Variants in NPM3 observed in about 807,000 individuals in gnomAD.
The protein encoded by NPM3 is nucleoplasmin-3.
In NPM3, 12 loss-of-function variants were observed where a neutral mutation model predicts 18.1. The observed-to-expected ratio is 0.66, with a 90% confidence interval of 0.42 to 1.07. The LOEUF is 1.07. Ranked by LOEUF, NPM3 falls within the 50% of genes least tolerant of loss-of-function variation. The pLI is 0.00. For missense variants in NPM3, 274 were observed against 232.1 expected (o/e 1.18, Z -1.17); for synonymous variants, 116 against 93.7 (o/e 1.24, Z -1.38).
exon 5 of NPM3, chr10:101,781,771 T>C: frequency 1.2e-6 from 2 of 1,614,124 alleles, no homozygotes; most frequent in Middle Eastern, 1.7e-4. Context: ...GCAGGAAGGA[T>C]GGGGCACAGC....
At chr10:101,783,030 A>G in intron 1 of NPM3, 106 bp from the exon 2 acceptor site, 1 of 1,007,320 alleles carries the variant, frequency 9.9e-7, no homozygotes, top group Non-Finnish European at 1.5e-6. Context: ...CGGGTCATTT[A>G]CACGTCCACC....
exon 2 of NPM3, chr10:101,782,892 T>TGAA: frequency 6.2e-7 from 1 of 1,614,116 alleles, no homozygotes; most frequent in Non-Finnish European, 8.5e-7. Context: ...ACCTTAAAGG[T>TGAA]GAAGGAGCGG....
exon 2 of NPM3, chr10:101,782,863 C>T (rs1196140756): frequency 2.5e-6 from 4 of 1,614,198 alleles, no homozygotes. Flanking sequence ...GCACGTGCTC[C>T]GCATCATCCT....
intron 1 of NPM3, 56 bp from the exon 2 acceptor site, chr10:101,782,980 G>A (rs1178172363): frequency 1.3e-6 from 2 of 1,528,446 alleles, no homozygotes; most frequent in Admixed American, 1.7e-5. Flanking sequence ...GGGCAGCGGG[G>A]GATGTCACCA....
chr10:101,783,225 A>G, intron 1 of NPM3, 48 bp downstream of exon 1: 1 of 1,361,946 alleles, frequency 7.3e-7, no homozygotes, highest in South Asian at 1.3e-5. Context: ...TCACATCCCT[A>G]CCTCTTACCG....
chr10:101,782,191 C>T (rs3816354), intron 4 of NPM3, 67 bp downstream of exon 4: 262,925 of 1,370,060 alleles, frequency 0.19, 29,053 homozygotes, highest in East Asian at 0.56. Context: ...GGCAGGAGTG[C>T]GGAGTGGGGG....
intron 2 of NPM3, 66 bp downstream of exon 2, chr10:101,782,773 G>T (rs1326720682): frequency 4.4e-6 from 7 of 1,584,526 alleles, no homozygotes; most frequent in Non-Finnish European, 6.0e-6. Context: ...GGATCCGGAG[G>T]TTGGGTAGAG....
At chr10:101,781,932 G>C in intron 4 of NPM3, 78 bp from the exon 5 acceptor site, 1 of 1,612,328 alleles carries the variant, frequency 6.2e-7, no homozygotes, top group Non-Finnish European at 8.5e-7. Flanking sequence ...TCTTCACGCC[G>C]TGGTGTTAGG....
rs770567242 is a variant in NPM3 at position 101,783,369 on chromosome 10, C to T, written c.22G>A (p.Ala8Thr). Residue 8 changes from alanine to threonine, a missense_variant, in exon 1 of 6, where the codon GCC becomes ACC. Transcript: ENST00000370110. Reference sequence around the variant, plus strand: ...CTCTCCTGACTCAAAAACGCTAAGGCAGCTGCAGTACCGGCGGCCATGCTG... The same window carrying T: ...CTCTCCTGACTCAAAAACGCTAAGGTAGCTGCAGTACCGGCGGCCATGCTG... 58 of 1,611,782 alleles carry T rather than the reference C, an allele frequency of 3.6e-5. 1 individual carries two copies. Among genetic ancestry groups the T allele is most frequent in the Middle Eastern group, 1.7e-4 (1 of 6,030 alleles).
chr10:101,783,069 C>T, intron 1 of NPM3, 145 bp from the exon 2 acceptor site: 1 of 829,990 alleles, frequency 1.2e-6, no homozygotes, highest in Non-Finnish European at 1.9e-6. Flanking sequence ...ACACCTGGGA[C>T]GCTCTGCCGT....
chr10:101,783,443 C>G, upstream of NPM3: 1 of 1,377,062 alleles, frequency 7.3e-7, no homozygotes, highest in Non-Finnish European at 9.9e-7. Flanking sequence ...AGCCGGGGAC[C>G]CTCGGCCAGT....
At chr10:101,782,597 G>A (rs1427355984) in exon 3 of NPM3, 1 of 1,613,812 alleles carries the variant, frequency 6.2e-7, no homozygotes. Context: ...GTGAGGCAGA[G>A]CTGGGAACGG....
chr10:101,782,955 C>A, intron 1 of NPM3, 31 bp from the exon 2 acceptor site: 1 of 1,604,660 alleles, frequency 6.2e-7, no homozygotes, highest in Non-Finnish European at 8.5e-7. Context: ...TATGCCTGAG[C>A]GTGTGTACGG....
exon 5 of NPM3, chr10:101,781,812 T>C (rs1471973538): frequency 6.2e-7 from 1 of 1,614,156 alleles, no homozygotes; most frequent in East Asian, 2.2e-5. Flanking sequence ...GTCCTCTTCC[T>C]CTTCCTCGCT....
At chr10:101,783,398 G>A (rs746485870) in exon 1 of NPM3, 4 of 1,584,236 alleles carry the variant, frequency 2.5e-6, no homozygotes, top group Admixed American at 1.8e-5. Flanking sequence ...CATGCTGTAA[G>A]AGCCTTCTTC....
At position 101,782,197 on chromosome 10, in the gene NPM3, G is replaced by C. The variant is rs1035587510; in HGVS notation, c.418+61C>G. On this transcript the variant is annotated intron_variant, in intron 4 of 5. Coordinates refer to ENST00000370110, the Ensembl canonical transcript of NPM3. ...GTGGGATGGGGCAGGAGTGCGGAGTGGGGGAAGCCTGATGGGAGAGTCCAC... is the reference window on the plus strand; with the variant it reads ...GTGGGATGGGGCAGGAGTGCGGAGTCGGGGAAGCCTGATGGGAGAGTCCAC... 2.1e-6 allele frequency: 3 copies of C among 1,435,186 alleles called. No homozygotes were observed. In the African/African-American group the frequency reaches 4.2e-5, roughly 20 times the overall value. The allele number at this position is 1,435,186 out of a possible 1,614,324, so 88.9% of individuals were successfully genotyped here. A position where few individuals can be genotyped will look rare whatever the true frequency, so the allele number is the denominator to read the frequency against.
chr10:101,783,415 C>T (rs2065159742), upstream of NPM3: 2 of 1,520,220 alleles, frequency 1.3e-6, no homozygotes, highest in East Asian at 2.4e-5. Context: ...CTTCAAACTC[C>T]GCCCCCGACA....
chr10:101,781,553 C>T, exon 6 of NPM3: 1 of 357,976 alleles, frequency 2.8e-6, no homozygotes, highest in Non-Finnish European at 5.3e-6. Flanking sequence ...AAGCTCTCCT[C>T]TTCAAGGAAG....
At chr10:101,781,762 C>T (rs1330710998) in exon 5 of NPM3, 6 of 1,614,030 alleles carry the variant, frequency 3.7e-6, no homozygotes, top group South Asian at 1.1e-5. Flanking sequence ...TGCTTTTTGG[C>T]AGGAAGGATG....
Sources: allele counts gnomAD v4.1 joint callset, GRCh38; gene constraint gnomAD v4.1.1; transcripts MANE v1.5; gene names NCBI Gene and HGNC (gene_info 2026-07-23, HGNC 2026-07-21).